Variants in CREBL2 observed in about 807,000 individuals in gnomAD.
The protein encoded by CREBL2 is cAMP responsive element binding protein like 2.
CREBL2 carries 4 observed loss-of-function variants against 19.5 expected under a neutral mutation model. The observed-to-expected ratio is 0.20, with a 90% CI of 0.10 to 0.47. The LOEUF (loss-of-function observed/expected upper bound fraction) is 0.47. CREBL2 is among the 20% of genes least tolerant of loss of function. The pLI, the probability that CREBL2 is intolerant of heterozygous loss-of-function variation, is 0.98. For missense variants in CREBL2, 85 were observed against 145.1 expected (o/e 0.59, Z 2.13); for synonymous variants, 42 against 46.6 (o/e 0.90, Z 0.40).
At chr12:12,616,643 A>C (rs535816562) in intron 1 of CREBL2, among the ~76,000 whole-genome samples, 1 of 152,206 alleles carries the variant, frequency 6.6e-6, no homozygotes, top group African/African-American at 2.4e-5. Flanking sequence ...AACTGTCCTT[A>C]TATAAGGCTT....
Position 12,635,908 on chromosome 12 carries a change from G to A in CREBL2, c.147G>A (p.Gln49=). 6.2e-7 allele frequency: 1 copy of A among 1,614,198 alleles called. No individual in the cohort carries two copies. The highest frequency in any genetic ancestry group is 1.1e-5 in the South Asian group (1 of 91,086). ...ECRARKKLRY[Q]YLEELVSSRE... ...GAGCCCGAAAAAAGCTGAGATATCA[G>A]TATTTGGAAGAGTTGGTATCCAGTC... The change falls in exon 2 of 4, where the codon CAG becomes CAA. Residue 49 remains glutamine, a synonymous_variant. Coordinates refer to ENST00000228865, the MANE Select transcript of CREBL2 (RefSeq NM_001310.4).
At chr12:12,626,806 C>A (rs1413860844) in intron 1 of CREBL2, among the ~76,000 whole-genome samples, 3 of 148,824 alleles carry the variant, frequency 2.0e-5, no homozygotes, top group Non-Finnish European at 3.0e-5. Context: ...GAGGGTGAGG[C>A]AGGAGGATAG....
rs1293010987 is a variant in CREBL2 at position 12,638,554 on chromosome 12, A to G, written c.358+840A>G. ...ATTTTATTATTAATAGACTTAGTCC[A>G]TAAATGGGAGTGGCACGAATCTAGC... On this transcript the variant is annotated intron_variant, in intron 3 of 3. Transcript: ENST00000228865. Among the ~76,000 whole-genome samples, 18 of 152,260 alleles carry G rather than the reference A, an allele frequency of 1.2e-4. No individual in the cohort carries two copies. In the South Asian group the frequency reaches 3.5e-3, roughly 30 times the overall value.
chr12:12,617,673 T>TTTTTTTTTTTTTTTTTTTTG (rs1945322053), intron 1 of CREBL2, among the ~76,000 whole-genome samples: 1 of 124,114 alleles, frequency 8.1e-6, no homozygotes, highest in Non-Finnish European at 1.7e-5. Context: ...TTTTTTTTTT[T>TTTTTTTTTTTTTTTTTTTTG]TTTTTTTTAG....
chr12:12,611,925 G>C lies in CREBL2; in HGVS notation c.-248G>C, dbSNP rs1401204764. 1 of 579,346 alleles carries C rather than the reference G, an allele frequency of 1.7e-6. No individual in the cohort carries two copies. The highest frequency in any genetic ancestry group is 3.0e-6 in the Non-Finnish European group (1 of 327,956). 35.9% of individuals were successfully genotyped at this position (579,346 alleles called of 1,614,324 possible). The stretch of plus-strand genomic sequence containing the variant: ...CTGTAAACACCCAGAGACTGTCATG[G>C]AGGGGGAGGAGGAGGCGGCGGCGGC... On this transcript the variant is annotated 5_prime_UTR_variant, in exon 1 of 4. Coordinates refer to ENST00000228865, the MANE Select transcript of CREBL2 (RefSeq NM_001310.4).
intron 3 of CREBL2, 40 bp from the exon 4 acceptor site, chr12:12,641,954 C>G: frequency 8.3e-6 from 12 of 1,450,102 alleles, no homozygotes; most frequent in Non-Finnish European, 1.1e-5. Flanking sequence ...ACTTTATTGA[C>G]TCTAAAAACA....
chr12:12,627,165 A>C (rs1054490299), intron 1 of CREBL2, among the ~76,000 whole-genome samples: 3 of 152,184 alleles, frequency 2.0e-5, no homozygotes, highest in Non-Finnish European at 4.4e-5. Context: ...ACTCTAATGT[A>C]AACTGTGGAC....
At chr12:12,612,619 G>C (rs1945277132) in intron 1 of CREBL2, among the ~76,000 whole-genome samples, 1 of 151,906 alleles carries the variant, frequency 6.6e-6, no homozygotes, top group Non-Finnish European at 1.5e-5. Context: ...CATATAATCA[G>C]TTCACTCCCC....
At chr12:12,621,800 C>T (rs558949839) in intron 1 of CREBL2, among the ~76,000 whole-genome samples, 1 of 152,276 alleles carries the variant, frequency 6.6e-6, no homozygotes, top group Non-Finnish European at 1.5e-5. Context: ...TTGAGTGGCT[C>T]TTATGTGTAA....
chr12:12,642,765 A>G lies in CREBL2; in HGVS notation c.*767A>G, dbSNP rs1052101482. The G allele has an allele frequency of 2.6e-5, 4 of 152,316 alleles. No homozygotes were observed. The highest frequency in any genetic ancestry group is 9.6e-5 in the African/African-American group (4 of 41,454). 9.4% of individuals were successfully genotyped at this position (152,316 alleles called of 1,614,324 possible). ...CTTGCAGAATAATTCATCAAATTTT[A>G]TTTTTAAGTGAAAAGTAACCTTTCA... On this transcript the variant is annotated 3_prime_UTR_variant, in exon 4 of 4. Coordinates refer to ENST00000228865, the MANE Select transcript of CREBL2 (RefSeq NM_001310.4).
At position 12,635,949 on chromosome 12, in the gene CREBL2, G is replaced by A. The variant is rs760832870; in HGVS notation, c.188G>A (p.Cys63Tyr). 7.4e-6 allele frequency: 12 copies of A among 1,613,874 alleles called. No individual in the cohort carries two copies. The African/African-American group carries it at 1.5e-4, about 20-fold the overall frequency. Reference sequence around the variant, plus strand: ...GTATCCAGTCGAGAAAGAGCTATATGTGCCCTCAGAGAGGAACTGGAAATG... The same window carrying A: ...GTATCCAGTCGAGAAAGAGCTATATATGCCCTCAGAGAGGAACTGGAAATG... ...ELVSSRERAI[C>Y]ALREELEMYK... The change falls in exon 2 of 4, where the codon TGT becomes TAT. Residue 63 changes from cysteine to tyrosine, a missense_variant. This residue lies in a region of CREBL2 where 22 missense variants were observed against 46.7 expected (regional missense o/e 0.47). Coordinates refer to ENST00000228865, the MANE Select transcript of CREBL2 (RefSeq NM_001310.4).
chr12:12,640,995 G>T (rs1382275259), intron 3 of CREBL2, among the ~76,000 whole-genome samples: 1 of 151,748 alleles, frequency 6.6e-6, no homozygotes, highest in Non-Finnish European at 1.5e-5. Context: ...TGTTTTCTAA[G>T]AATTTTATGG....
At chr12:12,630,747 CCT>C (rs1945437545) in intron 1 of CREBL2, among the ~76,000 whole-genome samples, 1 of 152,116 alleles carries the variant, frequency 6.6e-6, no homozygotes, top group East Asian at 1.9e-4. Flanking sequence ...TGTTCCGCTC[CCT>C]CTGAGGAATG....
intron 3 of CREBL2, 45 bp downstream of exon 3, chr12:12,637,759 G>T (rs368227309): frequency 7.0e-6 from 11 of 1,561,630 alleles, no homozygotes; most frequent in Middle Eastern, 1.7e-4. Flanking sequence ...AGAGTGTCTC[G>T]GTTGGGCGCA....
intron 1 of CREBL2, among the ~76,000 whole-genome samples, chr12:12,630,628 ATC>A (rs1334608206): frequency 6.6e-6 from 1 of 151,834 alleles, no homozygotes; most frequent in Non-Finnish European, 1.5e-5. Context: ...ATTACATTCT[ATC>A]TGTCTGCTTT....
Position 12,613,560 on chromosome 12 carries a change from C to T in CREBL2, c.15+1373C>T, listed in dbSNP as rs35165524. ...CATGTAGAAGGCTGTGAGGAAGTGACAGATGGAAGGGAAAGCCCAGTGCAG... is the reference window on the plus strand; with the variant it reads ...CATGTAGAAGGCTGTGAGGAAGTGATAGATGGAAGGGAAAGCCCAGTGCAG... On this transcript the variant is annotated intron_variant, in intron 1 of 3. Transcript: ENST00000228865. Among the ~76,000 whole-genome samples, 804 of 152,260 alleles carry T rather than the reference C, an allele frequency of 5.3e-3. 3 individuals carry two copies. Among genetic ancestry groups the T allele is most frequent in the South Asian group, 0.015 (71 of 4,824 alleles).
chr12:12,630,442 G>A (rs1341946796), intron 1 of CREBL2, among the ~76,000 whole-genome samples: 1 of 151,980 alleles, frequency 6.6e-6, no homozygotes, highest in East Asian at 1.9e-4. Flanking sequence ...GTTAGTAATG[G>A]TGTCTCTTTC....
chr12:12,639,030 A>C (rs768374818), intron 3 of CREBL2, among the ~76,000 whole-genome samples: 8 of 152,154 alleles, frequency 5.3e-5, no homozygotes, highest in African/African-American at 1.7e-4. Flanking sequence ...GGATTTACCT[A>C]TTCTGTATAT....
intron 1 of CREBL2, 138 bp downstream of exon 1, chr12:12,612,325 G>C: frequency 6.8e-7 from 1 of 1,479,612 alleles, no homozygotes; most frequent in Middle Eastern, 1.8e-4. Context: ...CCAGTCCACT[G>C]CCCGATGGTA....
Sources: gnomAD v4.1 joint callset for allele counts (sites outside exome capture counted in the v4.1 genomes callset) on GRCh38, gnomAD v4.1.1 for gene constraint, gnomAD v4.1.1 regional missense constraint, MANE v1.5 for transcripts, NCBI Gene and HGNC (gene_info 2026-07-23, HGNC 2026-07-21) for gene names.